The following ATG4A variants were observed in gnomAD, a reference collection of about 807,000 sequenced individuals.
ATG4A encodes the protein cysteine protease ATG4A.
ATG4A carries 22 observed loss-of-function variants against 38.4 expected under a neutral mutation model. The ratio of observed to expected loss-of-function variants is 0.57; its 90% CI spans 0.41 to 0.82. The LOEUF (loss-of-function observed/expected upper bound fraction) is 0.82. Among genes scored for constraint, ATG4A ranks in the 40% least tolerant of loss-of-function variants. The probability of loss-of-function intolerance (pLI) is 0.00; values close to 1 mark genes in which losing one functional copy is unlikely to be tolerated. For missense variants in ATG4A, 220 were observed against 290.0 expected (o/e 0.76, Z 1.75); for synonymous variants, 86 against 100.7 (o/e 0.85, Z 0.88).
chrX:108,125,917 T>G (rs1382676255), intron 1 of ATG4A, among the ~76,000 whole-genome samples, 160 bp from the exon 2 acceptor site: 2 of 112,334 alleles, frequency 1.8e-5, no homozygotes, highest in Non-Finnish European at 3.8e-5. Context: ...CTAAAGGATT[T>G]AGAGGTCTTG....
intron 7 of ATG4A, 21 bp from the exon 8 acceptor site, chrX:108,137,783 A>T (rs377358364): frequency 1.8e-6 from 2 of 1,139,814 alleles, no homozygotes; most frequent in African/African-American, 1.8e-5. Context: ...CTTATCCAAT[A>T]TTCTGTTCTT....
rs2033658508 is a variant in ATG4A at position 108,154,388 on chromosome X, A to G, written c.*676A>G. On this transcript the variant is annotated 3_prime_UTR_variant, in exon 13 of 13. Coordinates refer to ENST00000372232, the MANE Select transcript of ATG4A (RefSeq NM_052936.5). The stretch of plus-strand genomic sequence containing the variant: ...TCCTTAAATCATGATCACTTAAATC[A>G]GGGGTCAGCAAACTTTTTCTGTAAA... 1 of 112,325 alleles carries G rather than the reference A, an allele frequency of 8.9e-6. No homozygotes were observed. The highest frequency in any genetic ancestry group is 9.4e-5 in the Admixed American group (1 of 10,623). 9.3% of individuals were successfully genotyped at this position (112,325 alleles called of 1,213,427 possible).
At chrX:108,091,885 T>A (rs746149326) in intron 1 of ATG4A, 49 bp downstream of exon 1, 4 of 1,205,745 alleles carry the variant, frequency 3.3e-6, no homozygotes, top group Non-Finnish European at 4.5e-6. Context: ...CCGGGGTGGG[T>A]AGTCGCTGGC....
At chrX:108,148,604 C>T (rs1246764915) in intron 9 of ATG4A, among the ~76,000 whole-genome samples, 1 of 110,737 alleles carries the variant, frequency 9.0e-6, no homozygotes, top group African/African-American at 3.3e-5. Context: ...TTCTCAACAC[C>T]TTAACTCCAA....
chrX:108,089,707 C>T (rs1406846288), upstream of ATG4A, among the ~76,000 whole-genome samples: 3 of 110,318 alleles, frequency 2.7e-5, no homozygotes, highest in Non-Finnish European at 5.7e-5. Context: ...GTGGCAGGCG[C>T]CTGTAATCCC....
intron 1 of ATG4A, among the ~76,000 whole-genome samples, chrX:108,097,454 A>G (rs1319988969): frequency 8.9e-6 from 1 of 111,941 alleles, no homozygotes; most frequent in Non-Finnish European, 1.9e-5. Context: ...TTCTATATCT[A>G]CGCTGTTCTA....
chrX:108,131,423 T>C, intron 4 of ATG4A, 65 bp downstream of exon 4: 1 of 1,061,820 alleles, frequency 9.4e-7, no homozygotes, highest in Admixed American at 2.2e-5. Context: ...TGCTGTTGAT[T>C]TAGCTTGATG....
At chrX:108,148,020 A>AATATATATATATATATATATAT (rs60886281) in intron 9 of ATG4A, among the ~76,000 whole-genome samples, 1 of 80,156 alleles carries the variant, frequency 1.2e-5, no homozygotes, top group Non-Finnish European at 2.4e-5. Flanking sequence ...ACTAATGGAA[A>AATATATATATATATATATATAT]ATATATATAT....
intron 9 of ATG4A, among the ~76,000 whole-genome samples, chrX:108,149,176 G>T (rs1262436931): frequency 8.9e-6 from 1 of 112,943 alleles, no homozygotes; most frequent in Non-Finnish European, 1.9e-5. Flanking sequence ...CCATTCCAGA[G>T]GGAGTCTTTG....
chrX:108,141,894 G>A (rs2033303804), intron 9 of ATG4A, among the ~76,000 whole-genome samples: 1 of 111,649 alleles, frequency 9.0e-6, no homozygotes, highest in African/African-American at 3.3e-5. Flanking sequence ...GTGTAATGGT[G>A]TGGATTGGGC....
At chrX:108,134,007 G>A (rs1363200845) in intron 4 of ATG4A, 50 bp from the exon 5 acceptor site, 6 of 972,725 alleles carry the variant, frequency 6.2e-6, no homozygotes, top group Non-Finnish European at 8.5e-6. Context: ...GTGCAGAGAG[G>A]AATAAACAGT....
At chrX:108,138,960 G>T (rs2033171443) in intron 9 of ATG4A, among the ~76,000 whole-genome samples, 1 of 111,941 alleles carries the variant, frequency 8.9e-6, no homozygotes, top group Non-Finnish European at 1.9e-5. Flanking sequence ...CACCTGGTTA[G>T]TGTTGAAGAG....
chrX:108,092,477 C>T lies in ATG4A; in HGVS notation c.10+641C>T, dbSNP rs143369425. ...TAGGGCATATCCAGAGGACATTATGCCACAACTAGGTAACGATAAGAATAC... is the reference window on the plus strand; with the variant it reads ...TAGGGCATATCCAGAGGACATTATGTCACAACTAGGTAACGATAAGAATAC... On this transcript the variant is annotated intron_variant, in intron 1 of 12. Coordinates refer to ENST00000372232, the MANE Select transcript of ATG4A (RefSeq NM_052936.5). 5.7e-3 allele frequency among the ~76,000 whole-genome samples: 637 copies of T among 112,153 alleles called. 6 individuals are homozygous for T. The highest frequency in any genetic ancestry group is 0.019 in the African/African-American group (595 of 30,853).
intron 3 of ATG4A, among the ~76,000 whole-genome samples, chrX:108,130,669 T>C (rs761876147): frequency 8.9e-6 from 1 of 111,914 alleles, no homozygotes; most frequent in East Asian, 2.8e-4. Flanking sequence ...TAGGTGAGAT[T>C]TAGATTAGAT....
At position 108,102,878 on chromosome X, in the gene ATG4A, G is replaced by T. The variant is rs746183702; in HGVS notation, c.10+11042G>T. ...CTGGTTACATGTGGAGGATGTGCAG[G>T]TTTGTTACATAGGTAAACGTGTGTC... On this transcript the variant is annotated intron_variant, in intron 1 of 12. Transcript: ENST00000372232. Among the ~76,000 whole-genome samples, 39 of 108,612 alleles carry T rather than the reference G, an allele frequency of 3.6e-4. No individual in the cohort carries two copies. The East Asian group carries it at 3.8e-3, about 11-fold the overall frequency. The allele number at this position is 108,612 out of a possible 115,157, so 94.3% of individuals were successfully genotyped here. A position where few individuals can be genotyped will look rare whatever the true frequency, so the allele number is the denominator to read the frequency against.
chrX:108,128,929 A>C (rs2032875753), intron 3 of ATG4A, 77 bp downstream of exon 3: 1 of 665,280 alleles, frequency 1.5e-6, no homozygotes, highest in Non-Finnish European at 2.2e-6. Flanking sequence ...CTTCATAGAA[A>C]CCTCAGAATT....
At chrX:108,107,877 G>A (rs1472081494) in intron 1 of ATG4A, among the ~76,000 whole-genome samples, 1 of 111,058 alleles carries the variant, frequency 9.0e-6, no homozygotes, top group Non-Finnish European at 1.9e-5. Context: ...CATATGCCGG[G>A]GGACTCATTA....
Position 108,134,404 on chromosome X carries a change from G to A in ATG4A, c.460G>A (p.Val154Met). Reference sequence around the variant, plus strand: ...GTTTGGACCAAATACAGTTGCACAGGTGTTAAAGTAAGTAAAAGAGTCTGG... The same window carrying A: ...GTTTGGACCAAATACAGTTGCACAGATGTTAAAGTAAGTAAAAGAGTCTGG... ...EWFGPNTVAQ[V>M]LKKLALFDEW... Residue 154 changes from valine to methionine, a missense_variant, in exon 6 of 13, where the codon GTG becomes ATG. Physicochemically the swap from Val to Met is conservative, Grantham distance 21. This residue lies in a region of ATG4A where 159 missense variants were observed against 188.9 expected (regional missense o/e 0.84). Transcript: ENST00000372232. 1 of 1,207,845 alleles carries A rather than the reference G, an allele frequency of 8.3e-7. No homozygotes were observed. The highest frequency in any genetic ancestry group is 1.1e-6 in the Non-Finnish European group (1 of 892,977).
chrX:108,146,230 T>G (rs1401879398), intron 9 of ATG4A, among the ~76,000 whole-genome samples: 1 of 112,105 alleles, frequency 8.9e-6, no homozygotes, highest in Non-Finnish European at 1.9e-5. Flanking sequence ...GCTGTGATTC[T>G]CTGTTTCTGT....
Sources: gnomAD v4.1 joint callset for allele counts (sites outside exome capture counted in the v4.1 genomes callset) on GRCh38, gnomAD v4.1.1 for gene constraint, gnomAD v4.1.1 regional missense constraint, MANE v1.5 for transcripts, NCBI Gene and HGNC (gene_info 2026-07-23, HGNC 2026-07-21) for gene names.